Variants in LRRTM4 observed in about 807,000 individuals in gnomAD.
LRRTM4 encodes the protein leucine-rich repeat transmembrane neuronal protein 4.
In LRRTM4, 25 loss-of-function variants were observed where a neutral mutation model predicts 47.6. That is an observed-to-expected ratio of 0.53 (90% confidence interval 0.38 to 0.73). The LOEUF is 0.73. LRRTM4 is among the 30% of genes least tolerant of loss of function. LRRTM4 has a pLI of 0.00. For synonymous variants in LRRTM4, 311 were observed against 269.5 expected, an observed-to-expected ratio of 1.15 and a Z score of -1.51; for missense variants, 638 against 713.4, an observed-to-expected ratio of 0.89 and a Z score of 1.20.
chr2:77,209,902 C>T (rs1269050359), intron 3 of LRRTM4, among the ~76,000 whole-genome samples: 4 of 152,168 alleles, frequency 2.6e-5, no homozygotes, highest in African/African-American at 4.8e-5. Flanking sequence ...ATCTACTTCA[C>T]GTTCTACAAT....
At chr2:76,955,721 G>C (rs557950486) in intron 3 of LRRTM4, among the ~76,000 whole-genome samples, 1 of 151,768 alleles carries the variant, frequency 6.6e-6, no homozygotes, top group Admixed American at 6.6e-5. Flanking sequence ...GAAGATGCAG[G>C]ATCTCACCTT....
intron 3 of LRRTM4, among the ~76,000 whole-genome samples, chr2:77,236,793 T>C (rs984995044): frequency 2.9e-4 from 44 of 152,124 alleles, no homozygotes; most frequent in African/African-American, 9.7e-4. Flanking sequence ...ATGGTTTTTG[T>C]TTTTAATTCT....
intron 3 of LRRTM4, among the ~76,000 whole-genome samples, chr2:77,306,302 T>G (rs914914866): frequency 1.3e-5 from 2 of 152,172 alleles, no homozygotes; most frequent in African/African-American, 4.8e-5. Context: ...ATCTAAAATG[T>G]CATTGAACAA....
chr2:76,944,652 A>G (rs1367747447), intron 3 of LRRTM4, among the ~76,000 whole-genome samples: 6 of 152,120 alleles, frequency 3.9e-5, no homozygotes. Context: ...AGAAAAATTT[A>G]AAACTCGTCT....
intron 3 of LRRTM4, among the ~76,000 whole-genome samples, chr2:77,004,969 T>TACC (rs917859479): frequency 4.3e-4 from 65 of 152,288 alleles, no homozygotes; most frequent in African/African-American, 1.3e-3. Flanking sequence ...TGGGTATATT[T>TACC]ACCAATGCCT....
rs182816082 is a variant in LRRTM4, at chr2:77,158,555, T to G, written c.1551+359763A>C. ...TTTTTACCTTTTTTTTGCAATATTC[T>G]GTTTTCTTATGTTTTACATTTATCT... On this transcript the variant is annotated intron_variant, in intron 3 of 3. Coordinates refer to ENST00000409884, the MANE Select transcript of LRRTM4 (RefSeq NM_001134745.3). 7.7e-3 allele frequency among the ~76,000 whole-genome samples: 1,172 copies of G among 152,244 alleles called. 19 individuals carry two copies. The highest frequency in any genetic ancestry group is 0.027 in the African/African-American group (1,124 of 41,568).
At chr2:76,907,554 G>C (rs971881198) in intron 3 of LRRTM4, among the ~76,000 whole-genome samples, 2 of 146,036 alleles carry the variant, frequency 1.4e-5, no homozygotes, top group East Asian at 2.1e-4. Context: ...GAATCCAGGA[G>C]CTGGTTTTTT....
chr2:76,966,201 AAAAG>A (rs1259769156), intron 3 of LRRTM4, among the ~76,000 whole-genome samples: 1 of 151,550 alleles, frequency 6.6e-6, no homozygotes, highest in Non-Finnish European at 1.5e-5. Flanking sequence ...ATTGCAAACA[AAAAG>A]AAAAGTGAAA....
At chr2:76,793,213 C>T (rs1049712123) in intron 3 of LRRTM4, among the ~76,000 whole-genome samples, 10 of 152,132 alleles carry the variant, frequency 6.6e-5, no homozygotes, top group Admixed American at 6.6e-5. Flanking sequence ...AGAAAACACT[C>T]ATCTCTTGGT....
At chr2:77,432,660 T>C (rs776190528) in intron 3 of LRRTM4, among the ~76,000 whole-genome samples, 3 of 152,158 alleles carry the variant, frequency 2.0e-5, no homozygotes, top group Non-Finnish European at 4.4e-5. Flanking sequence ...CATACATGTA[T>C]TCATATTTAG....
chr2:77,428,841 T>A (rs563893800), intron 3 of LRRTM4, among the ~76,000 whole-genome samples: 20 of 152,252 alleles, frequency 1.3e-4, no homozygotes, highest in Non-Finnish European at 2.1e-4. Context: ...AGAATCCTTT[T>A]AATGTCTGAA....
At chr2:77,173,917 T>C (rs1158449885) in intron 3 of LRRTM4, among the ~76,000 whole-genome samples, 1 of 152,222 alleles carries the variant, frequency 6.6e-6, no homozygotes, top group African/African-American at 2.4e-5. Flanking sequence ...GGAAAAGAGC[T>C]GGCATTGCCA....
chr2:76,803,300 AT>A (rs1675800775), intron 3 of LRRTM4, among the ~76,000 whole-genome samples: 1 of 152,154 alleles, frequency 6.6e-6, no homozygotes, highest in South Asian at 2.1e-4. Context: ...CTGAATAGAC[AT>A]TTCTCAAAAT....
chr2:77,095,512 T>TA (rs984704601), intron 3 of LRRTM4, among the ~76,000 whole-genome samples: 1 of 151,382 alleles, frequency 6.6e-6, no homozygotes, highest in African/African-American at 2.4e-5. Context: ...TGCAAACTTT[T>TA]TTTTTTTTTT....
At chr2:77,003,517 T>C (rs1291216119) in intron 3 of LRRTM4, among the ~76,000 whole-genome samples, 1 of 152,096 alleles carries the variant, frequency 6.6e-6, no homozygotes, top group East Asian at 1.9e-4. Context: ...TAAAGGGAAG[T>C]TTCCCTGTAT....
intron 3 of LRRTM4, among the ~76,000 whole-genome samples, chr2:76,909,163 A>G (rs1368284195): frequency 2.0e-5 from 3 of 152,230 alleles, no homozygotes; most frequent in Non-Finnish European, 4.4e-5. Flanking sequence ...TCAATGGAAC[A>G]GAACAGAGCC....
chr2:77,249,520 AAAAC>A (rs1268704769), intron 3 of LRRTM4, among the ~76,000 whole-genome samples: 3 of 147,764 alleles, frequency 2.0e-5, no homozygotes, highest in Non-Finnish European at 4.4e-5. Flanking sequence ...TCAACAATAA[AAAAC>A]AGAACATAGA....
intron 3 of LRRTM4, among the ~76,000 whole-genome samples, chr2:77,240,243 T>G (rs1256610689): frequency 1.3e-5 from 2 of 151,794 alleles, no homozygotes; most frequent in Non-Finnish European, 3.0e-5. Context: ...AATAAATAGG[T>G]AAACATAATA....
intron 3 of LRRTM4, among the ~76,000 whole-genome samples, chr2:76,894,738 T>C (rs1186419078): frequency 6.6e-6 from 1 of 151,940 alleles, no homozygotes; most frequent in Non-Finnish European, 1.5e-5. Context: ...ACTGACTTGA[T>C]TGTAAATTTG....
Sources: allele counts gnomAD v4.1 joint callset (sites outside exome capture counted in the v4.1 genomes callset), GRCh38; gene constraint gnomAD v4.1.1; transcripts MANE v1.5; gene names NCBI Gene and HGNC (gene_info 2026-07-23, HGNC 2026-07-21).